The following GMDS variants were observed in gnomAD, a reference collection of about 807,000 sequenced individuals.
The protein encoded by GMDS is GDP-mannose 4,6-dehydratase, also known as GDP-mannose 4,6 dehydratase.
Under a neutral mutation model 49.9 loss-of-function variants are expected in GMDS, and 20 were observed. The observed-to-expected ratio is 0.40, with a 90% CI of 0.28 to 0.58. The LOEUF is 0.58. Ranked by LOEUF, GMDS falls within the 20% of genes least tolerant of loss-of-function variation. The pLI is 0.42. For synonymous variants in GMDS, 177 were observed against 178.6 expected, an observed-to-expected ratio of 0.99 and a Z score of 0.07; for missense variants, 362 against 481.4, an observed-to-expected ratio of 0.75 and a Z score of 2.32.
chr6:1,630,021 A>T (rs1229175833), intron 9 of GMDS, among the ~76,000 whole-genome samples: 1 of 152,232 alleles, frequency 6.6e-6, no homozygotes, highest in Non-Finnish European at 1.5e-5. Context: ...TCAGGAAAGG[A>T]GAACTTAATG....
intron 4 of GMDS, among the ~76,000 whole-genome samples, chr6:1,993,420 G>C (rs1766076658): frequency 6.6e-6 from 1 of 152,092 alleles, no homozygotes; most frequent in African/African-American, 2.4e-5. Flanking sequence ...TGAGAGCAAG[G>C]TCTGTGATTA....
rs1047628085 is a variant in GMDS, at chr6:1,635,341, G to A, written c.988-10801C>T. On this transcript the variant is annotated intron_variant, in intron 9 of 10. Coordinates refer to ENST00000380815, the MANE Select transcript of GMDS (RefSeq NM_001500.4). This position sits in a 1 kb window ranked among gnomAD's most constrained non-coding sequence, Gnocchi z 4.7. The stretch of plus-strand genomic sequence containing the variant: ...TTCCGTGACCCTGGTCCACGGGACA[G>A]GCGAGGAAAGGGTTAAGGCAAGCTG... 6.6e-6 allele frequency among the ~76,000 whole-genome samples: 1 copy of A among 152,164 alleles called. No individual in the cohort carries two copies. The highest frequency in any genetic ancestry group is 2.4e-5 in the African/African-American group (1 of 41,436).
intron 1 of GMDS, among the ~76,000 whole-genome samples, chr6:2,135,570 A>G (rs1226054685): frequency 2.0e-5 from 3 of 149,794 alleles, no homozygotes; most frequent in Non-Finnish European, 4.5e-5. Flanking sequence ...ATCTAGCGAG[A>G]GGACAAGGAA....
intron 4 of GMDS, among the ~76,000 whole-genome samples, chr6:2,101,215 C>T (rs764301491): frequency 2.0e-5 from 3 of 151,464 alleles, no homozygotes; most frequent in Admixed American, 6.6e-5. Context: ...CGGGATGTTT[C>T]TGTTGTAGTT....
In GMDS at chr6:1,646,395, C is replaced by A. The variant is rs992736898; in HGVS notation, c.988-21855G>T. On this transcript the variant is annotated intron_variant, in intron 9 of 10. Transcript: ENST00000380815. ...CCTCCATTACTTGCCAAATAAAAGC[C>A]AAACTCTCACCCTGACCTCCAATAT... Among the ~76,000 whole-genome samples the A allele has an allele frequency of 5.9e-5, 9 of 152,268 alleles. No individual in the cohort carries two copies. In the South Asian group the frequency reaches 1.9e-3, roughly 32 times the overall value.
intron 6 of GMDS, among the ~76,000 whole-genome samples, chr6:1,937,106 T>C (rs1363813508): frequency 6.6e-6 from 1 of 152,214 alleles, no homozygotes; most frequent in East Asian, 1.9e-4. Context: ...CAGTGTTCAG[T>C]AATCTGCTGT....
intron 4 of GMDS, among the ~76,000 whole-genome samples, chr6:1,991,312 T>G (rs908005699): frequency 3.9e-5 from 6 of 152,108 alleles, no homozygotes; most frequent in African/African-American, 9.7e-5. Flanking sequence ...TCTTCTGGTC[T>G]CATATAAGTG....
intron 7 of GMDS, among the ~76,000 whole-genome samples, chr6:1,859,357 C>T (rs1270850650): frequency 6.6e-6 from 1 of 152,040 alleles, no homozygotes; most frequent in East Asian, 1.9e-4. Context: ...AAAAACCTTC[C>T]ACCAGGTAGA....
intron 9 of GMDS, among the ~76,000 whole-genome samples, chr6:1,651,337 A>G (rs987260392): frequency 6.6e-6 from 1 of 152,226 alleles, no homozygotes; most frequent in Non-Finnish European, 1.5e-5. Flanking sequence ...AAGGCCCAGC[A>G]TGGTGTCTCA....
chr6:1,722,012 T>C (rs1020912551), intron 9 of GMDS, among the ~76,000 whole-genome samples: 3 of 150,770 alleles, frequency 2.0e-5, no homozygotes, highest in African/African-American at 4.9e-5. Flanking sequence ...TCACTAACAA[T>C]GTCGTTCTGC....
chr6:1,836,080 G>C lies in GMDS; in HGVS notation c.772-93494C>G, dbSNP rs944274111. Among the ~76,000 whole-genome samples, 1 of 152,138 alleles carries C rather than the reference G, an allele frequency of 6.6e-6. No individual in the cohort carries two copies. The highest frequency in any genetic ancestry group is 1.5e-5 in the Non-Finnish European group (1 of 68,032). ...GACAGGGTTTCACCATGTTAGCCAG[G>C]ATGGTCTCGATCTCCTGATCTCGTG... On this transcript the variant is annotated intron_variant, in intron 7 of 10. Coordinates refer to ENST00000380815, the MANE Select transcript of GMDS (RefSeq NM_001500.4). The surrounding 1 kb of genome is among the most constrained non-coding windows in gnomAD (Gnocchi z 4.2).
chr6:1,674,560 C>CTTTT (rs869292549), intron 9 of GMDS, among the ~76,000 whole-genome samples: 3,705 of 73,354 alleles, frequency 0.051, 499 homozygotes, highest in South Asian at 0.091. Context: ...CTCTCTCTCT[C>CTTTT]TTTTTTTTTT....
At chr6:2,079,204 T>C (rs964535478) in intron 4 of GMDS, among the ~76,000 whole-genome samples, 2 of 151,920 alleles carry the variant, frequency 1.3e-5, no homozygotes, top group Non-Finnish European at 2.9e-5. Context: ...AATATATAGC[T>C]GGATCTTAAT....
chr6:1,724,742 C>G (rs79316764), intron 9 of GMDS, among the ~76,000 whole-genome samples: 6,013 of 152,266 alleles, frequency 0.039, 395 homozygotes, highest in African/African-American at 0.14. Context: ...GGGCTCCAGT[C>G]GGCAGTCCCT....
intron 9 of GMDS, among the ~76,000 whole-genome samples, chr6:1,725,364 G>A (rs1295845894): frequency 6.6e-6 from 1 of 152,132 alleles, no homozygotes; most frequent in Non-Finnish European, 1.5e-5. Flanking sequence ...TCTGTATTTA[G>A]AAATTCGCCC....
intron 7 of GMDS, among the ~76,000 whole-genome samples, chr6:1,824,768 A>C (rs1157676): frequency 0.53 from 80,561 of 152,034 alleles, 21,520 homozygotes; most frequent in South Asian, 0.62. Flanking sequence ...ATGCCTATTA[A>C]GTACCTGGTA....
At chr6:1,781,018 C>T (rs1228968059) in intron 7 of GMDS, among the ~76,000 whole-genome samples, 6 of 152,070 alleles carry the variant, frequency 3.9e-5, no homozygotes, top group Middle Eastern at 3.4e-3. Context: ...TGTTGCAGTT[C>T]GACAAAAACC....
At chr6:1,949,775 C>G (rs1763251801) in intron 6 of GMDS, among the ~76,000 whole-genome samples, 1 of 152,082 alleles carries the variant, frequency 6.6e-6, no homozygotes, top group African/African-American at 2.4e-5. Context: ...GAGTAGCGGC[C>G]AACAATCTAA....
intron 7 of GMDS, among the ~76,000 whole-genome samples, chr6:1,863,529 G>C (rs1382810875): frequency 6.6e-6 from 1 of 152,016 alleles, no homozygotes; most frequent in Non-Finnish European, 1.5e-5. Context: ...AGTGGGGAAG[G>C]GGACATTCAG....
Sources: gnomAD v4.1 joint callset for allele counts (sites outside exome capture counted in the v4.1 genomes callset) on GRCh38, gnomAD v4.1.1 for gene constraint, Gnocchi (gnomAD v3.1) non-coding constraint, MANE v1.5 for transcripts, NCBI Gene and HGNC (gene_info 2026-07-23, HGNC 2026-07-21) for gene names.